DENND6A: variants seen among roughly 807,000 people sequenced by gnomAD.
DENND6A encodes the protein protein DENND6A.
A neutral mutation model predicts 95.5 loss-of-function variants in DENND6A; 43 were observed. The ratio of observed to expected loss-of-function variants is 0.45; its 90% CI spans 0.35 to 0.58. The LOEUF (loss-of-function observed/expected upper bound fraction) is 0.58. Among genes scored for constraint, DENND6A ranks in the 20% least tolerant of loss-of-function variants. The pLI, the probability that DENND6A is intolerant of heterozygous loss-of-function variation, is 0.00. For synonymous variants in DENND6A, 257 were observed against 260.4 expected (o/e 0.99, Z 0.13); for missense variants, 574 against 736.0 (o/e 0.78, Z 2.55).
At chr3:57,631,476 G>T (rs1418129070) in intron 15 of DENND6A, among the ~76,000 whole-genome samples, 1 of 151,906 alleles carries the variant, frequency 6.6e-6, no homozygotes, top group Non-Finnish European at 1.5e-5. Flanking sequence ...TTACAGGCGT[G>T]AACTACCGCG....
chr3:57,650,864 A>G (rs943984551), intron 9 of DENND6A, among the ~76,000 whole-genome samples: 2 of 150,664 alleles, frequency 1.3e-5, no homozygotes, highest in African/African-American at 4.9e-5. Context: ...GGCTCACCAC[A>G]ACCTCCGCCT....
Position 57,630,699 on chromosome 3 carries a change from G to C in DENND6A, c.1517+16C>G. 2 of 1,606,760 alleles carry C rather than the reference G, an allele frequency of 1.2e-6. No individual in the cohort carries two copies. Among genetic ancestry groups the C allele is most frequent in the East Asian group, 2.2e-5 (1 of 44,810 alleles). On this transcript the variant is annotated intron_variant, in intron 17 of 19. Transcript: ENST00000311128. Reference sequence around the variant, plus strand: ...AAGCACGACACATGGGTGTAAAACAGGGAAAAAAGACTAACCGGTAAAGTC... The same window carrying C: ...AAGCACGACACATGGGTGTAAAACACGGAAAAAAGACTAACCGGTAAAGTC...
intron 1 of DENND6A, among the ~76,000 whole-genome samples, chr3:57,692,445 A>T (rs1455360789): frequency 6.6e-6 from 1 of 152,188 alleles, no homozygotes; most frequent in Non-Finnish European, 1.5e-5. Flanking sequence ...GTACCAAACA[A>T]ACATCCTGCC....
At chr3:57,666,605 A>G (rs2071527348) in intron 3 of DENND6A, among the ~76,000 whole-genome samples, 2 of 152,238 alleles carry the variant, frequency 1.3e-5, no homozygotes. Context: ...CACTTTTATA[A>G]AATGTTTTGA....
chr3:57,631,716 C>T (rs1293229164), intron 15 of DENND6A, among the ~76,000 whole-genome samples: 1 of 92,014 alleles, frequency 1.1e-5, no homozygotes, highest in Non-Finnish European at 2.1e-5. Context: ...TCTCTGCTCT[C>T]TTTTTTTTTT....
At chr3:57,648,749 A>G (rs1033172411) in intron 9 of DENND6A, among the ~76,000 whole-genome samples, 5 of 152,188 alleles carry the variant, frequency 3.3e-5, no homozygotes, top group Non-Finnish European at 5.9e-5. Flanking sequence ...CAAAGCAAAC[A>G]AAAACATAAA....
intron 9 of DENND6A, among the ~76,000 whole-genome samples, chr3:57,650,443 CACAT>C (rs1363256395): frequency 1.3e-5 from 2 of 150,460 alleles, no homozygotes; most frequent in Non-Finnish European, 2.9e-5. Flanking sequence ...CACACACACA[CACAT>C]ACATACACAC....
chr3:57,675,940 G>A (rs959236889), intron 1 of DENND6A, among the ~76,000 whole-genome samples: 1 of 151,994 alleles, frequency 6.6e-6, no homozygotes, highest in African/African-American at 2.4e-5. Flanking sequence ...TATACCGGAG[G>A]TGCCTCAAAG....
chr3:57,642,723 G>A (rs1033441237), intron 11 of DENND6A, among the ~76,000 whole-genome samples: 33 of 152,064 alleles, frequency 2.2e-4, no homozygotes, highest in African/African-American at 7.7e-4. Flanking sequence ...AAGATCAATC[G>A]GCCAGGCGCG....
At chr3:57,641,622 C>T in intron 12 of DENND6A, 31 bp downstream of exon 12, 3 of 1,582,664 alleles carry the variant, frequency 1.9e-6, no homozygotes, top group Middle Eastern at 1.7e-4. Flanking sequence ...ACACTGCACA[C>T]TAGAAACAGA....
intron 1 of DENND6A, among the ~76,000 whole-genome samples, chr3:57,684,992 C>A (rs976051744): frequency 2.6e-5 from 4 of 152,118 alleles, no homozygotes; most frequent in African/African-American, 9.7e-5. Context: ...CGGCTCACTG[C>A]AACCTCCGCC....
chr3:57,654,511 TG>T, intron 9 of DENND6A: 1 of 543,512 alleles, frequency 1.8e-6, no homozygotes, highest in Non-Finnish European at 2.3e-6. Context: ...GAGAAGCAGG[TG>T]GCAGGAGGTG....
chr3:57,631,006 G>A (rs1477644828), intron 15 of DENND6A, 28 bp from the exon 16 acceptor site: 1 of 1,602,950 alleles, frequency 6.2e-7, no homozygotes, highest in Non-Finnish European at 8.5e-7. Context: ...GTTAATAAAA[G>A]GAGTGTCTTC....
Position 57,693,008 on chromosome 3 carries a change from C to G in DENND6A, c.11G>C (p.Arg4Thr). MAL[R>T]GPAGLGPGSR... The stretch of plus-strand genomic sequence containing the variant: ...GCCGGGCCCCAAGCCCGCAGGGCCC[C>G]TCAAAGCCATCGGCCGCCCCCTGAC... The change falls in exon 1 of 20, where the codon AGG (arginine) becomes ACG (threonine). Residue 4 changes from arginine (R) to threonine (T), a missense_variant. Around this residue, in one of 2 missense-constraint regions of DENND6A, gnomAD observed 122 missense variants for 105.1 expected, o/e 1.16. Transcript: ENST00000311128. 6.7e-7 allele frequency: 1 copy of G among 1,484,454 alleles called. No individual in the cohort carries two copies. The allele number at this position is 1,484,454 out of a possible 1,614,324, so 92.0% of individuals were successfully genotyped here.
chr3:57,688,382 C>A (rs938226532), intron 1 of DENND6A, among the ~76,000 whole-genome samples: 1 of 152,042 alleles, frequency 6.6e-6, no homozygotes, highest in Non-Finnish European at 1.5e-5. Context: ...TAGGAGACTG[C>A]TGCCCAGACT....
chr3:57,649,898 G>C (rs1038630230), intron 9 of DENND6A, among the ~76,000 whole-genome samples: 3 of 119,212 alleles, frequency 2.5e-5, no homozygotes, highest in Admixed American at 1.9e-4. Context: ...TCCCCTTTTT[G>C]GGCTCTGACT....
intron 3 of DENND6A, 52 bp downstream of exon 3, chr3:57,672,204 C>A (rs1227078333): frequency 8.8e-6 from 13 of 1,485,642 alleles, no homozygotes; most frequent in Non-Finnish European, 1.1e-5. Flanking sequence ...AACAGTATAA[C>A]CAGTATTCTT....
At chr3:57,630,217 C>T (rs926113900) in intron 18 of DENND6A, 3 of 477,180 alleles carry the variant, frequency 6.3e-6, no homozygotes, top group African/African-American at 4.1e-5. Context: ...ACACACCTAC[C>T]TCAAAGAATC....
chr3:57,661,949 T>G (rs938474869), intron 5 of DENND6A, among the ~76,000 whole-genome samples: 6 of 152,170 alleles, frequency 3.9e-5, no homozygotes, highest in Non-Finnish European at 7.4e-5. Flanking sequence ...ATTTTACAGT[T>G]CAACTGTCAT....
Sources: allele counts gnomAD v4.1 joint callset (sites outside exome capture counted in the v4.1 genomes callset), GRCh38; gene constraint gnomAD v4.1.1; regional missense constraint gnomAD v4.1.1; transcripts MANE v1.5; gene names NCBI Gene and HGNC (gene_info 2026-07-23, HGNC 2026-07-21).